SLC12A3: variants seen among roughly 807,000 people sequenced by gnomAD.
The protein encoded by SLC12A3 is Na-Cl cotransporter.
SLC12A3 carries 104 observed loss-of-function variants against 121.0 expected under a neutral mutation model. The ratio of observed to expected loss-of-function variants is 0.86; its 90% CI spans 0.73 to 1.01. The LOEUF is 1.01. SLC12A3 is among the 50% of genes least tolerant of loss of function. The pLI is 0.00. For synonymous variants in SLC12A3, 536 were observed against 533.4 expected, an observed-to-expected ratio of 1.00 and a Z score of -0.07; for missense variants, 1,328 against 1,356.3, an observed-to-expected ratio of 0.98 and a Z score of 0.33.
In SLC12A3 at chr16:56,913,649, T is replaced by C; in HGVS notation, c.*244T>C. On this transcript the variant is annotated 3_prime_UTR_variant, in exon 26 of 26. Coordinates refer to ENST00000563236, the MANE Select transcript of SLC12A3 (RefSeq NM_001126108.2). ...GCAGATGGAGCTGCAAGGAAAACTC[T>C]CTAAAGCATCCTATTCCTTTTAAAG... is the stretch of plus-strand genomic sequence containing the variant. 1 of 567,008 alleles carries C rather than the reference T, an allele frequency of 1.8e-6. No individual in the cohort carries two copies. The highest frequency in any genetic ancestry group is 3.2e-6 in the Non-Finnish European group (1 of 316,602). The allele number at this position is 567,008 out of a possible 1,614,324, so 35.1% of individuals were successfully genotyped here.
intron 19 of SLC12A3, 67 bp from the exon 20 acceptor site, chr16:56,892,016 C>A: frequency 8.2e-7 from 1 of 1,216,714 alleles, no homozygotes; most frequent in South Asian, 1.2e-5. Flanking sequence ...GGAGCCCTGT[C>A]AAGGAGGAAC....
intron 13 of SLC12A3, among the ~76,000 whole-genome samples, chr16:56,883,333 A>T (rs113762557): frequency 0.21 from 28,842 of 136,496 alleles, 3,575 homozygotes; most frequent in East Asian, 0.5. Flanking sequence ...CAGGCTGGAG[A>T]GCAGTTGCAC....
chr16:56,879,243 C>T lies in SLC12A3; in HGVS notation c.1335+16C>T, dbSNP rs750577008. ...CTATTACCAGGTACTGCCAGGAGAG[C>T]TGACCCACCAGACACAGTGGGGGCT... On this transcript the variant is annotated intron_variant, in intron 10 of 25. Coordinates refer to ENST00000563236, the MANE Select transcript of SLC12A3 (RefSeq NM_001126108.2). 1.9e-6 allele frequency: 3 copies of T among 1,613,720 alleles called. 1 individual carries two copies. The South Asian group carries it at 3.3e-5, about 18-fold the overall frequency.
At chr16:56,886,001 G>A (rs1038034669) in intron 15 of SLC12A3, among the ~76,000 whole-genome samples, 2 of 152,166 alleles carry the variant, frequency 1.3e-5, no homozygotes, top group Admixed American at 6.5e-5. Flanking sequence ...GCTACCTCTC[G>A]ACGCAGAGGC....
In SLC12A3 at chr16:56,882,382, C is replaced by T. The variant is rs184359233; in HGVS notation, c.1568-14C>T. The T allele has an allele frequency of 1.9e-4, 302 of 1,609,206 alleles. No individual in the cohort carries two copies. In the African/African-American group the frequency reaches 3.6e-3, roughly 19 times the overall value. On this transcript the variant is annotated splice_polypyrimidine_tract_variant and intron_variant, in intron 12 of 25. Coordinates refer to ENST00000563236, the MANE Select transcript of SLC12A3 (RefSeq NM_001126108.2). The stretch of plus-strand genomic sequence containing the variant: ...GCCCAACAGGCTGTCCTCTCTCTCC[C>T]TGGGTCCCCGAAGCTGAGCTCAACA...
chr16:56,873,374 C>CT lies in SLC12A3; in HGVS notation c.1095+617dup, dbSNP rs59478629. 9.4e-4 allele frequency among the ~76,000 whole-genome samples: 71 copies of CT among 75,380 alleles called. 1 individual carries two copies. Among genetic ancestry groups the CT allele is most frequent in the Non-Finnish European group, 1.2e-3 (48 of 41,092 alleles). 49.5% of individuals were successfully genotyped at this position (75,380 alleles called of 152,430 possible). On this transcript the variant is annotated intron_variant, in intron 8 of 25. Transcript: ENST00000563236. Reference sequence around the variant, plus strand: ...AAGTCTGTTCTGTTTCTCTTTCTTTCTTTTTTTTTTTTTTTTTTTTTTTTT... The same window carrying CT: ...AAGTCTGTTCTGTTTCTCTTTCTTTCTTTTTTTTTTTTTTTTTTTTTTTTTT...
At position 56,902,464 on chromosome 16, in the gene SLC12A3, C is replaced by T. The variant is rs772818832; in HGVS notation, c.2812C>T (p.Pro938Ser). ...ATVNEMRRDC[P>S]WKISDEEITK... ...TGTCAACGAGATGCGGCGGGACTGC[C>T]CCTGGAAGATCTCAGATGAGGAGAT... The change falls in exon 24 of 26, where the codon CCC becomes TCC. Residue 938 changes from proline to serine, a missense_variant. Physicochemically the swap from Pro to Ser is moderately conservative, Grantham distance 74. Coordinates refer to ENST00000563236, the MANE Select transcript of SLC12A3 (RefSeq NM_001126108.2). The T allele has an allele frequency of 5.0e-6, 8 of 1,612,652 alleles. No individual in the cohort carries two copies. The highest frequency in any genetic ancestry group is 1.6e-4 in the Middle Eastern group (1 of 6,080).
At chr16:56,887,333 T>TA (rs373719779) in intron 17 of SLC12A3, among the ~76,000 whole-genome samples, 3 of 151,946 alleles carry the variant, frequency 2.0e-5, no homozygotes, top group Admixed American at 6.6e-5. Context: ...GCCTCCTGAG[T>TA]AACTGGGATT....
chr16:56,885,385 C>G (rs1187662574), intron 15 of SLC12A3, 21 bp downstream of exon 15: 4 of 1,454,022 alleles, frequency 2.8e-6, no homozygotes, highest in Non-Finnish European at 3.8e-6. Context: ...CTGCTGGGAC[C>G]CACCTGGGAC....
At position 56,892,068 on chromosome 16, in the gene SLC12A3, C is replaced by A; in HGVS notation, c.2369-15C>A. On this transcript the variant is annotated splice_polypyrimidine_tract_variant and intron_variant, in intron 19 of 25. Transcript: ENST00000563236. ...CAAGGAGAGCCTGTGAACAAAGCTG[C>A]CTCTTCTTTTGCAGTTAACCCCGTG... 6.2e-7 allele frequency: 1 copy of A among 1,607,936 alleles called. No homozygotes were observed. Among genetic ancestry groups the A allele is most frequent in the Non-Finnish European group, 8.5e-7 (1 of 1,174,436 alleles).
At chr16:56,903,760 C>T (rs1161001951) in intron 24 of SLC12A3, among the ~76,000 whole-genome samples, 2 of 132,754 alleles carry the variant, frequency 1.5e-5, no homozygotes, top group Admixed American at 7.3e-5. Context: ...AACCCAGTCC[C>T]ACGCAAGTTT....
intron 25 of SLC12A3, 41 bp downstream of exon 25, chr16:56,904,503 A>T (rs773409576): frequency 1.3e-6 from 2 of 1,593,576 alleles, no homozygotes; most frequent in Non-Finnish European, 1.7e-6. Context: ...GTCTGTCCAG[A>T]GTCAGGTGTC....
At position 56,913,919 on chromosome 16, in the gene SLC12A3, A is replaced by AT. The variant is rs11347677; in HGVS notation, c.*524dup. 95 of 151,850 alleles carry AT rather than the reference A, an allele frequency of 6.3e-4. 1 individual carries two copies. The East Asian group carries it at 9.0e-3, about 14-fold the overall frequency. The allele number at this position is 151,850 out of a possible 1,614,324, so 9.4% of individuals were successfully genotyped here. On this transcript the variant is annotated 3_prime_UTR_variant, in exon 26 of 26. Coordinates refer to ENST00000563236, the MANE Select transcript of SLC12A3 (RefSeq NM_001126108.2). ...CAGCCAGGCAAATACATATATATAT[A>AT]TTTTTTTTTTAGATGAAGTTTTTTC...
At position 56,865,253 on chromosome 16, in the gene SLC12A3, AAC is replaced by A. The variant is rs750710315; in HGVS notation, c.20_21del (p.Thr7ArgfsTer22). 3 of 1,613,748 alleles carry A rather than the reference AAC, an allele frequency of 1.9e-6. No individual in the cohort carries two copies. Among genetic ancestry groups the A allele is most frequent in the Non-Finnish European group, 2.5e-6 (3 of 1,180,014 alleles). The part of the protein sequence containing the change: MAELPT[T>X]ETPGDATLCS... ...AGGCGACAATGGCAGAACTGCCCAC[AAC>A]AGAGACGCCTGGGGACGCCACTTTG... On this transcript the variant is annotated frameshift_variant, in exon 1 of 26. Transcript: ENST00000563236. LOFTEE classifies it high-confidence loss of function.
In SLC12A3 at chr16:56,913,162, G is replaced by A; in HGVS notation, c.2925-102G>A. On this transcript the variant is annotated intron_variant, in intron 25 of 25. Coordinates refer to ENST00000563236, the MANE Select transcript of SLC12A3 (RefSeq NM_001126108.2). The stretch of plus-strand genomic sequence containing the variant: ...TTAGGGTGGGTGGAAGGAGCTCTGA[G>A]GGACGGTAAACAGACTCGCTGTTCT... The A allele has an allele frequency of 3.3e-6, 5 of 1,502,284 alleles. No individual in the cohort carries two copies. The South Asian group carries it at 5.7e-5, about 17-fold the overall frequency. The allele number at this position is 1,502,284 out of a possible 1,614,324, so 93.1% of individuals were successfully genotyped here. A position where few individuals can be genotyped will look rare whatever the true frequency, so the allele number is the denominator to read the frequency against.
intron 12 of SLC12A3, among the ~76,000 whole-genome samples, chr16:56,882,041 T>C: frequency 1.6e-5 from 2 of 128,720 alleles, no homozygotes; most frequent in African/African-American, 3.2e-5. Context: ...AGAGCGAGAG[T>C]CCGTCTCAAA....
intron 25 of SLC12A3, among the ~76,000 whole-genome samples, chr16:56,909,512 A>C (rs2055655541): frequency 1.3e-5 from 2 of 150,272 alleles, no homozygotes; most frequent in Admixed American, 6.7e-5. Flanking sequence ...TTATAAATCC[A>C]GTGACCCAAG....
At chr16:56,912,381 C>T (rs182629977) in intron 25 of SLC12A3, among the ~76,000 whole-genome samples, 120 of 152,338 alleles carry the variant, frequency 7.9e-4, no homozygotes, top group African/African-American at 2.8e-3. Flanking sequence ...TTTTTATTCA[C>T]GCAGCATTGC....
chr16:56,880,936 C>T (rs1467228362), intron 12 of SLC12A3, among the ~76,000 whole-genome samples: 1 of 152,244 alleles, frequency 6.6e-6, no homozygotes, highest in East Asian at 1.9e-4. Flanking sequence ...ACCACCTGTG[C>T]AGGAAGACCT....
Sources: allele counts gnomAD v4.1 joint callset (sites outside exome capture counted in the v4.1 genomes callset), GRCh38; gene constraint gnomAD v4.1.1; transcripts MANE v1.5; gene names NCBI Gene and HGNC (gene_info 2026-07-23, HGNC 2026-07-21).